The following PSG1 variants were observed in gnomAD, a reference collection of about 807,000 sequenced individuals.
PSG1 encodes pregnancy specific beta-1-glycoprotein 1.
Under a neutral mutation model 41.4 loss-of-function variants are expected in PSG1, and 60 were observed. The observed-to-expected ratio is 1.45, with a 90% CI of 1.18 to 1.80. The LOEUF is 1.80. Ranked by LOEUF, PSG1 falls within the 40% of genes most tolerant of loss-of-function variation. PSG1 has a pLI of 0.00. For synonymous variants in PSG1, 256 were observed against 192.9 expected (o/e 1.33, Z -2.71); for missense variants, 806 against 516.9 (o/e 1.56, Z -5.42).
At chr19:42,870,242 T>G (rs1971324214) in intron 3 of PSG1, 1 of 151,832 alleles carries the variant, frequency 6.6e-6, no homozygotes, top group African/African-American at 2.4e-5. Flanking sequence ...ATTTCTGACA[T>G]TTTTTGATTC....
intron 2 of PSG1, 147 bp from the exon 3 acceptor site, chr19:42,872,192 G>A (rs1971422799): frequency 8.2e-7 from 1 of 1,222,528 alleles, no homozygotes; most frequent in Admixed American, 2.6e-5. Flanking sequence ...CAAGACAGAT[G>A]CATGGCAATC....
At chr19:42,867,542 A>G (rs1195984170) in intron 5 of PSG1, 3 of 623,282 alleles carry the variant, frequency 4.8e-6, no homozygotes, top group Admixed American at 3.3e-5. Flanking sequence ...TCCGAATCAA[A>G]GCATTGGTAA....
chr19:42,872,456 C>A (rs1435525846), intron 2 of PSG1, among the ~76,000 whole-genome samples: 1 of 151,692 alleles, frequency 6.6e-6, no homozygotes, highest in Non-Finnish European at 1.5e-5. Context: ...TTCTCTGCAG[C>A]TTCCCTTGCC....
intron 2 of PSG1, 86 bp downstream of exon 2, chr19:42,877,827 C>A (rs1971673984): frequency 6.2e-7 from 1 of 1,606,142 alleles, no homozygotes; most frequent in Middle Eastern, 1.7e-4. Flanking sequence ...GTGACACAGG[C>A]AGAGTCCAGG....
chr19:42,877,640 T>G (rs1971665826), intron 2 of PSG1, among the ~76,000 whole-genome samples: 1 of 151,604 alleles, frequency 6.6e-6, no homozygotes, highest in Admixed American at 6.6e-5. Context: ...GGGCATGAGG[T>G]GCTTGGCTGA....
intron 2 of PSG1, 86 bp downstream of exon 2, chr19:42,877,827 C>T: frequency 1.9e-6 from 3 of 1,606,142 alleles, no homozygotes; most frequent in Non-Finnish European, 2.6e-6. Flanking sequence ...GTGACACAGG[C>T]AGAGTCCAGG....
rs773166380 is a variant in PSG1 at position 42,868,145 on chromosome 19, G to C, written c.1199C>G (p.Ala400Gly). The stretch of plus-strand genomic sequence containing the variant: ...GGATTTGGAGCTTTCCTTGCCAGTG[G>C]CTGAGTTACGAACAGAGCAAACATA... ...GLYVCSVRNS[A>G]TGKESSKSMT... The change falls in exon 5 of 6, where the codon GCC (alanine) becomes GGC (glycine). Residue 400 changes from alanine to glycine, a missense_variant. Ala to Gly is a moderately conservative substitution (Grantham distance 60). Coordinates refer to ENST00000436291, the MANE Select transcript of PSG1 (RefSeq NM_001184825.2). The C allele has an allele frequency of 6.2e-7, 1 of 1,612,386 alleles. No homozygotes were observed. The highest frequency in any genetic ancestry group is 1.7e-5 in the Admixed American group (1 of 59,872).
chr19:42,874,867 G>A (rs1476960106), intron 2 of PSG1, among the ~76,000 whole-genome samples: 2 of 151,436 alleles, frequency 1.3e-5, no homozygotes, highest in African/African-American at 4.9e-5. Context: ...CCATCTCTGA[G>A]GGATTTTAAC....
chr19:42,866,997 A>C lies in PSG1; in HGVS notation c.*137T>G. 3 of 764,234 alleles carry C rather than the reference A, an allele frequency of 3.9e-6. No homozygotes were observed. The highest frequency in any genetic ancestry group is 4.8e-6 in the Non-Finnish European group (2 of 417,088). 47.3% of individuals were successfully genotyped at this position (764,234 alleles called of 1,614,324 possible). A position where few individuals can be genotyped will look rare whatever the true frequency, so the allele number is the denominator to read the frequency against. ...TATTTTGGTGAGTTCTGAGTGGCTC[A>C]TGCTTCACGTACAAGGGTTTTCCCA... On this transcript the variant is annotated 3_prime_UTR_variant, in exon 6 of 6. Transcript: ENST00000436291.
intron 4 of PSG1, 83 bp from the exon 5 acceptor site, chr19:42,868,438 C>T (rs1377101712): frequency 1.6e-5 from 24 of 1,491,094 alleles, no homozygotes; most frequent in Admixed American, 1.0e-4. Context: ...CACAGTGACC[C>T]TCTGAGCCAA....
intron 5 of PSG1, chr19:42,867,412 T>C: frequency 1.7e-6 from 1 of 575,732 alleles, no homozygotes; most frequent in East Asian, 2.9e-5. Flanking sequence ...TAAGTTTTTA[T>C]AAGGAATCTG....
chr19:42,867,409 T>C (rs1183660051), intron 5 of PSG1: 1 of 575,012 alleles, frequency 1.7e-6, no homozygotes, highest in Admixed American at 3.2e-5. Flanking sequence ...CTCTAAGTTT[T>C]TATAAGGAAT....
chr19:42,867,544 C>T (rs1971182765), intron 5 of PSG1: 2 of 625,576 alleles, frequency 3.2e-6, no homozygotes, highest in East Asian at 2.9e-5. Context: ...CGAATCAAAG[C>T]ATTGGTAATA....
At chr19:42,872,823 C>A (rs1417297692) in intron 2 of PSG1, among the ~76,000 whole-genome samples, 1 of 151,838 alleles carries the variant, frequency 6.6e-6, no homozygotes, top group Non-Finnish European at 1.5e-5. Flanking sequence ...CCATGTGGAT[C>A]TTTCTAGAAA....
At chr19:42,872,933 A>T (rs184044639) in intron 2 of PSG1, among the ~76,000 whole-genome samples, 2 of 151,908 alleles carry the variant, frequency 1.3e-5, no homozygotes, top group East Asian at 3.9e-4. Context: ...TGTTTGGTGA[A>T]TATTAGACCA....
chr19:42,870,993 C>G (rs944154126), intron 3 of PSG1, among the ~76,000 whole-genome samples: 3 of 151,508 alleles, frequency 2.0e-5, no homozygotes, highest in African/African-American at 7.3e-5. Context: ...AACATATTCC[C>G]TGTCCTGGGT....
intron 2 of PSG1, among the ~76,000 whole-genome samples, chr19:42,873,087 CA>C (rs1971461477): frequency 6.6e-6 from 1 of 151,482 alleles, no homozygotes; most frequent in African/African-American, 2.4e-5. Context: ...GAGCTGGGAT[CA>C]GGGGAATAGG....
At chr19:42,871,629 G>A in intron 3 of PSG1, 138 bp downstream of exon 3, 5 of 1,597,642 alleles carry the variant, frequency 3.1e-6, no homozygotes, top group East Asian at 4.5e-5. Flanking sequence ...GTTTGCCTGG[G>A]GCACAAAGTC....
intron 2 of PSG1, among the ~76,000 whole-genome samples, chr19:42,876,448 G>T (rs974745265): frequency 6.6e-6 from 1 of 151,458 alleles, no homozygotes. Flanking sequence ...CAAGGGACAG[G>T]TGTGGCTAGA....
Sources: gnomAD v4.1 joint callset for allele counts (sites outside exome capture counted in the v4.1 genomes callset) on GRCh38, gnomAD v4.1.1 for gene constraint, MANE v1.5 for transcripts, NCBI Gene and HGNC (gene_info 2026-07-23, HGNC 2026-07-21) for gene names.